CRPPA: variants seen among roughly 807,000 people sequenced by gnomAD.
CRPPA encodes CDP-L-ribitol pyrophosphorylase A.
CRPPA carries 43 observed loss-of-function variants against 52.0 expected under a neutral mutation model. The observed-to-expected ratio is 0.83, with a 90% confidence interval of 0.65 to 1.07. The LOEUF is 1.07. CRPPA is among the 50% of genes least tolerant of loss of function. CRPPA has a pLI of 0.00. For missense variants in CRPPA, 629 were observed against 551.7 expected, an observed-to-expected ratio of 1.14 and a Z score of -1.40; for synonymous variants, 250 against 203.5, an observed-to-expected ratio of 1.23 and a Z score of -1.94.
chr7:16,132,388 A>G (rs1782696529), intron 9 of CRPPA, among the ~76,000 whole-genome samples: 1 of 125,198 alleles, frequency 8.0e-6, no homozygotes, highest in Non-Finnish European at 1.8e-5. Context: ...GATCTAAACA[A>G]ATGAGTCTTA....
chr7:16,170,550 T>A (rs1781158899), intron 9 of CRPPA, among the ~76,000 whole-genome samples: 1 of 152,210 alleles, frequency 6.6e-6, no homozygotes, highest in Non-Finnish European at 1.5e-5. Context: ...GCAAGATTTA[T>A]TGCAAAGAGC....
At position 16,154,398 on chromosome 7, in the gene CRPPA, T is replaced by C. The variant is rs147167994; in HGVS notation, c.1251+61668A>G. On this transcript the variant is annotated intron_variant, in intron 9 of 9. Coordinates refer to ENST00000407010, the MANE Select transcript of CRPPA (RefSeq NM_001101426.4). ...GTGTGTGTTCCCCTCTCTGTGTCCA[T>C]GTGTTCTCATTGTTCAACTCCCACT... Among the ~76,000 whole-genome samples, 956 of 152,234 alleles carry C rather than the reference T, an allele frequency of 6.3e-3. 11 individuals carry two copies. Among genetic ancestry groups the C allele is most frequent in the African/African-American group, 0.022 (896 of 41,526 alleles).
chr7:16,382,284 G>A (rs2128313307), intron 2 of CRPPA, among the ~76,000 whole-genome samples: 1 of 152,282 alleles, frequency 6.6e-6, no homozygotes, highest in Non-Finnish European at 1.5e-5. Flanking sequence ...ATTCTGGGTT[G>A]AAAATTCTTT....
intron 8 of CRPPA, among the ~76,000 whole-genome samples, 192 bp downstream of exon 8, chr7:16,258,198 C>G (rs1285659036): frequency 6.6e-6 from 1 of 151,948 alleles, no homozygotes; most frequent in African/African-American, 2.4e-5. Context: ...TCAGTTCAAC[C>G]AAATGATTGC....
chr7:16,355,508 G>C (rs929432723), intron 3 of CRPPA, among the ~76,000 whole-genome samples: 1 of 152,122 alleles, frequency 6.6e-6, no homozygotes, highest in Non-Finnish European at 1.5e-5. Context: ...TGTCTTTTCA[G>C]TCTCTACTCG....
intron 9 of CRPPA, among the ~76,000 whole-genome samples, chr7:16,096,357 C>T (rs1330983272): frequency 1.3e-5 from 2 of 151,652 alleles, no homozygotes; most frequent in Non-Finnish European, 2.9e-5. Context: ...AATCATCATG[C>T]AAGGATTTCA....
intron 9 of CRPPA, among the ~76,000 whole-genome samples, chr7:16,171,944 G>C (rs529776611): frequency 6.6e-6 from 1 of 152,170 alleles, no homozygotes; most frequent in East Asian, 1.9e-4. Flanking sequence ...ATATTTTCCA[G>C]TGGTTTAGAC....
At chr7:16,238,405 T>C (rs1315658413) in intron 8 of CRPPA, among the ~76,000 whole-genome samples, 1 of 152,108 alleles carries the variant, frequency 6.6e-6, no homozygotes, top group Non-Finnish European at 1.5e-5. Context: ...TAAAATGAAT[T>C]GGTAAGAAGA....
chr7:16,114,841 G>A (rs748627903), intron 9 of CRPPA, among the ~76,000 whole-genome samples: 2 of 151,990 alleles, frequency 1.3e-5, no homozygotes, highest in South Asian at 4.1e-4. Context: ...CATTGAATTA[G>A]GTATCGTGTA....
intron 9 of CRPPA, among the ~76,000 whole-genome samples, chr7:16,099,992 T>C (rs1220908802): frequency 6.6e-6 from 1 of 152,162 alleles, no homozygotes; most frequent in Non-Finnish European, 1.5e-5. Context: ...GTCACTTCTG[T>C]CTGTTTTTGG....
At chr7:16,260,135 GA>G (rs1333566422) in intron 6 of CRPPA, among the ~76,000 whole-genome samples, 1 of 152,010 alleles carries the variant, frequency 6.6e-6, no homozygotes, top group African/African-American at 2.4e-5. Context: ...GTAACATCTA[GA>G]TATTACAGGG....
Position 16,216,061 on chromosome 7 carries a change from C to T in CRPPA, c.1251+5G>A. ...ATACATTCGGAAGATAAACATTTTA[C>T]CTACCTGTGGGTAAGATATGAGAAG... On this transcript the variant is annotated splice_donor_5th_base_variant and intron_variant, in intron 9 of 9. Coordinates refer to ENST00000407010, the MANE Select transcript of CRPPA (RefSeq NM_001101426.4). 1 of 1,574,914 alleles carries T rather than the reference C, an allele frequency of 6.3e-7. No homozygotes were observed. Among genetic ancestry groups the T allele is most frequent in the South Asian group, 1.2e-5 (1 of 84,886 alleles).
At chr7:16,282,590 T>C (rs1487227978) in intron 5 of CRPPA, among the ~76,000 whole-genome samples, 3 of 152,112 alleles carry the variant, frequency 2.0e-5, no homozygotes, top group African/African-American at 7.2e-5. Flanking sequence ...ATTTGTGTTA[T>C]TCCTGTATCT....
chr7:16,398,803 GATTGAA>G, intron 2 of CRPPA, among the ~76,000 whole-genome samples: 1 of 152,328 alleles, frequency 6.6e-6, no homozygotes, highest in African/African-American at 2.4e-5. Flanking sequence ...TGATTAACAT[GATTGAA>G]ACGTGACCAA....
intron 5 of CRPPA, among the ~76,000 whole-genome samples, chr7:16,299,219 T>C (rs1784738539): frequency 6.6e-6 from 1 of 152,182 alleles, no homozygotes; most frequent in African/African-American, 2.4e-5. Context: ...GTTCTCTCTT[T>C]CCTATGCCCA....
At chr7:16,245,546 C>T (rs1783246935) in intron 8 of CRPPA, among the ~76,000 whole-genome samples, 1 of 152,160 alleles carries the variant, frequency 6.6e-6, no homozygotes, top group African/African-American at 2.4e-5. Context: ...CTTACTGTAC[C>T]CTTTCTAGTG....
intron 9 of CRPPA, among the ~76,000 whole-genome samples, chr7:16,107,265 A>G (rs1425793231): frequency 6.6e-6 from 1 of 152,212 alleles, no homozygotes; most frequent in Non-Finnish European, 1.5e-5. Context: ...ACCCAAGGAC[A>G]GAAAGCATAG....
At chr7:16,147,804 C>T (rs1423249041) in intron 9 of CRPPA, among the ~76,000 whole-genome samples, 1 of 152,108 alleles carries the variant, frequency 6.6e-6, no homozygotes, top group African/African-American at 2.4e-5. Flanking sequence ...TTCTGACTTG[C>T]CTAACCTCCT....
intron 3 of CRPPA, among the ~76,000 whole-genome samples, chr7:16,332,169 G>A (rs997605786): frequency 6.6e-6 from 1 of 152,032 alleles, no homozygotes; most frequent in African/African-American, 2.4e-5. Flanking sequence ...TTTTTTTGGT[G>A]GGAAGGGACG....
Sources: gnomAD v4.1 joint callset for allele counts (sites outside exome capture counted in the v4.1 genomes callset) on GRCh38, gnomAD v4.1.1 for gene constraint, MANE v1.5 for transcripts, NCBI Gene and HGNC (gene_info 2026-07-23, HGNC 2026-07-21) for gene names.